Variants in PYHIN1 observed in about 807,000 individuals in gnomAD.
The protein encoded by PYHIN1 is pyrin and HIN domain-containing protein 1.
A neutral mutation model predicts 43.7 loss-of-function variants in PYHIN1; 32 were observed. The observed-to-expected ratio is 0.73, with a 90% CI of 0.55 to 0.98. The LOEUF is 0.98. Among genes scored for constraint, PYHIN1 ranks in the 50% least tolerant of loss-of-function variants. The pLI, the probability that PYHIN1 is intolerant of heterozygous loss-of-function variation, is 0.00. For missense variants in PYHIN1, 588 were observed against 589.5 expected (o/e 1.00, Z 0.03); for synonymous variants, 205 against 203.1 (o/e 1.01, Z -0.08).
intron 7 of PYHIN1, among the ~76,000 whole-genome samples, chr1:158,949,314 G>T (rs1272003960): frequency 6.6e-6 from 1 of 152,152 alleles, no homozygotes; most frequent in African/African-American, 2.4e-5. Context: ...GAGGCTATAG[G>T]CTTGTTCCCC....
chr1:158,939,025 G>GC, intron 3 of PYHIN1, 55 bp from the exon 4 acceptor site: 1 of 1,325,540 alleles, frequency 7.5e-7, no homozygotes, highest in Non-Finnish European at 1.0e-6. Context: ...ATGAAAATGT[G>GC]CTCTGCTTCA....
rs1362307392 is a variant in PYHIN1 at position 158,944,913 on chromosome 1, G to A, written c.1230G>A (p.Arg410=). The A allele has an allele frequency of 1.9e-6, 3 of 1,612,130 alleles. No homozygotes were observed. The Admixed American group carries it at 5.0e-5, about 27-fold the overall frequency. ...KNTNQRSHDS[R]SMALPQEQSQ... Reference sequence around the variant, plus strand: ...CAAACCAGAGAAGCCATGACTCCAGGAGCATGGCACTACCCCAGGAACAGA... The same window carrying A: ...CAAACCAGAGAAGCCATGACTCCAGAAGCATGGCACTACCCCAGGAACAGA... Residue 410 remains arginine, a synonymous_variant, in exon 7 of 9, where the codon AGG becomes AGA. Transcript: ENST00000368140.
chr1:158,959,653 C>T (rs763219881), intron 7 of PYHIN1, among the ~76,000 whole-genome samples: 2 of 152,160 alleles, frequency 1.3e-5, no homozygotes, highest in Non-Finnish European at 2.9e-5. Flanking sequence ...CAGGTACCCA[C>T]GTTTCAGATT....
intron 1 of PYHIN1, among the ~76,000 whole-genome samples, chr1:158,934,739 C>T (rs764612187): frequency 2.9e-4 from 44 of 152,088 alleles, no homozygotes; most frequent in Admixed American, 2.3e-3. Context: ...TTATTTTTAT[C>T]GAGGTGGAGT....
At chr1:158,943,415 A>T (rs551018820) in intron 5 of PYHIN1, among the ~76,000 whole-genome samples, 2 of 152,344 alleles carry the variant, frequency 1.3e-5, no homozygotes, top group East Asian at 3.9e-4. Flanking sequence ...ATAGTGAATG[A>T]TGAGTTGTGA....
chr1:158,986,373 A>G, the PYHIN1 span, among the ~76,000 whole-genome samples: 1 of 152,194 alleles, frequency 6.6e-6, no homozygotes, highest in Admixed American at 6.6e-5. Context: ...CATGGGTCCA[A>G]GGATCAGCTC....
At position 158,936,958 on chromosome 1, in the gene PYHIN1, C is replaced by A. The variant is rs1450463251; in HGVS notation, c.48C>A (p.Val16=). 4 of 1,610,986 alleles carry A rather than the reference C, an allele frequency of 2.5e-6. No homozygotes were observed. In the South Asian group the frequency reaches 3.3e-5, roughly 13 times the overall value. ...TTGTTCTACTGAAAGGATTAGAGGT[C>A]ATCAATGATTATCATTTTAGAATTG... The part of the protein sequence containing the change: ...KKIVLLKGLE[V]INDYHFRIVK... The change falls in exon 2 of 9, where the codon GTC becomes GTA. Residue 16 remains valine (V), a synonymous_variant. Transcript: ENST00000368140.
At chr1:158,979,921 G>A (rs1285582022), downstream of PYHIN1, among the ~76,000 whole-genome samples, 1 of 152,050 alleles carries the variant, frequency 6.6e-6, no homozygotes, top group Non-Finnish European at 1.5e-5. Flanking sequence ...TGTCTATTGT[G>A]CTTCTTTTTG....
downstream of PYHIN1, among the ~76,000 whole-genome samples, chr1:158,979,877 T>A (rs979978435): frequency 2.6e-5 from 4 of 152,154 alleles, no homozygotes; most frequent in Non-Finnish European, 4.4e-5. Context: ...GTCTTCACCC[T>A]CCTCCCACCC....
chr1:158,939,642 C>A, intron 4 of PYHIN1: 1 of 1,011,826 alleles, frequency 9.9e-7, no homozygotes, highest in Non-Finnish European at 1.5e-6. Flanking sequence ...CACCTTTAAA[C>A]TCTTACCTGG....
intron 7 of PYHIN1, among the ~76,000 whole-genome samples, chr1:158,947,980 T>C (rs193273406): frequency 1.8e-4 from 27 of 152,300 alleles, no homozygotes; most frequent in Admixed American, 1.6e-3. Flanking sequence ...CTTCCAGCCT[T>C]CCAAGAAGAT....
intron 7 of PYHIN1, among the ~76,000 whole-genome samples, chr1:158,956,613 A>G (rs1304912912): frequency 6.6e-6 from 1 of 151,826 alleles, no homozygotes; most frequent in African/African-American, 2.4e-5. Context: ...TCAAAATAAT[A>G]AGAGCTATCT....
chr1:158,973,505 T>TCACACA lies in PYHIN1; in HGVS notation c.1360-115_1360-110dup, dbSNP rs144676333. 8.2e-3 allele frequency: 3,962 copies of TCACACA among 483,048 alleles called. 10 individuals carry two copies. The highest frequency in any genetic ancestry group is 9.7e-3 in the South Asian group (263 of 27,044). 29.9% of individuals were successfully genotyped at this position (483,048 alleles called of 1,614,324 possible). A position where few individuals can be genotyped will look rare whatever the true frequency, so the allele number is the denominator to read the frequency against. Reference sequence around the variant, plus strand: ...GGGAAGATTCTATAAAAAGGGATTTTCACACACACACACACACACACACAC... The same window carrying TCACACA: ...GGGAAGATTCTATAAAAAGGGATTTTCACACACACACACACACACACACACACACAC... On this transcript the variant is annotated intron_variant, in intron 7 of 8. Coordinates refer to ENST00000368140, the MANE Select transcript of PYHIN1 (RefSeq NM_152501.5).
intron 7 of PYHIN1, among the ~76,000 whole-genome samples, chr1:158,946,547 T>TCAGATAGA (rs145557906): frequency 1.7e-4 from 25 of 148,542 alleles, no homozygotes; most frequent in African/African-American, 5.7e-4. Flanking sequence ...AGCACAGTGA[T>TCAGATAGA]TAGATAGATA....
At position 158,937,091 on chromosome 1, in the gene PYHIN1, G is replaced by A. The variant is rs773413126; in HGVS notation, c.181G>A (p.Gly61Ser). The A allele has an allele frequency of 1.5e-5, 25 of 1,613,780 alleles. No homozygotes were observed. Among genetic ancestry groups the A allele is most frequent in the Admixed American group, 5.0e-5 (3 of 59,946 alleles). The change falls in exon 2 of 9, where the codon GGT becomes AGT. Residue 61 changes from glycine (G) to serine (S), a missense_variant. Transcript: ENST00000368140. ...GGAGGAAAAGTTCCCAGGTGATGCCGGTTTGGGCAAACTAATAGAATTCTT... is the reference window on the plus strand; with the variant it reads ...GGAGGAAAAGTTCCCAGGTGATGCCAGTTTGGGCAAACTAATAGAATTCTT... ...LMEEKFPGDA[G>S]LGKLIEFFKE... is the part of the protein sequence containing the mutation.
intron 7 of PYHIN1, among the ~76,000 whole-genome samples, chr1:158,952,702 C>G (rs1378692429): frequency 2.0e-5 from 3 of 152,194 alleles, no homozygotes; most frequent in Non-Finnish European, 4.4e-5. Flanking sequence ...TACTGGGACC[C>G]ATTGCCCTTG....
the PYHIN1 span, among the ~76,000 whole-genome samples, chr1:158,982,076 C>A: frequency 6.6e-6 from 1 of 152,150 alleles, no homozygotes; most frequent in Non-Finnish European, 1.5e-5. Flanking sequence ...TACTTTCTCC[C>A]ATTCTGTAGA....
chr1:158,951,242 T>C (rs1251639240), intron 7 of PYHIN1, among the ~76,000 whole-genome samples: 2 of 152,174 alleles, frequency 1.3e-5, no homozygotes, highest in Non-Finnish European at 2.9e-5. Context: ...CAAGCAGTGA[T>C]GTCATAACCT....
rs776359395 is a variant in PYHIN1, at chr1:158,938,532, T to C, written c.401T>C (p.Leu134Pro). The C allele has an allele frequency of 6.2e-7, 1 of 1,614,120 alleles. No individual in the cohort carries two copies. Among genetic ancestry groups the C allele is most frequent in the Admixed American group, 1.7e-5 (1 of 60,008 alleles). The change falls in exon 3 of 9, where the codon CTT becomes CCT. Residue 134 changes from leucine (L) to proline (P), a missense_variant. Leu to Pro is a moderately conservative substitution (Grantham distance 98). Coordinates refer to ENST00000368140, the MANE Select transcript of PYHIN1 (RefSeq NM_152501.5). ...ACAGCTAAAGGAGCAGAGGAGACTCTTGGACCTCAGGTAAGCTTCAGGAAG... is the reference window on the plus strand; with the variant it reads ...ACAGCTAAAGGAGCAGAGGAGACTCCTGGACCTCAGGTAAGCTTCAGGAAG... The part of the protein sequence containing the change: ...RLTAKGAEET[L>P]GPQKRKKPSE...
Sources: allele counts gnomAD v4.1 joint callset (sites outside exome capture counted in the v4.1 genomes callset), GRCh38; gene constraint gnomAD v4.1.1; transcripts MANE v1.5; gene names NCBI Gene and HGNC (gene_info 2026-07-23, HGNC 2026-07-21).